Variants in ASAP1 observed in about 807,000 individuals in gnomAD.
The protein encoded by ASAP1 is arf-GAP with SH3 domain, ANK repeat and PH domain-containing protein 1.
A neutral mutation model predicts 145.2 loss-of-function variants in ASAP1; 43 were observed. The ratio of observed to expected loss-of-function variants is 0.30; its 90% CI spans 0.23 to 0.38. The LOEUF is 0.38. ASAP1 is among the 10% of genes least tolerant of loss of function. The pLI, the probability that ASAP1 is intolerant of heterozygous loss-of-function variation, is 1.00. For missense variants in ASAP1, 1,018 were observed against 1,355.3 expected (o/e 0.75, Z 3.91); for synonymous variants, 546 against 515.5 (o/e 1.06, Z -0.80).
intron 2 of ASAP1, among the ~76,000 whole-genome samples, chr8:130,372,092 T>C (rs1397191992): frequency 3.9e-5 from 6 of 152,232 alleles, no homozygotes; most frequent in Admixed American, 6.5e-5. Flanking sequence ...TGTGGCATTA[T>C]AGAATCACTG....
intron 3 of ASAP1, among the ~76,000 whole-genome samples, chr8:130,357,240 G>GCAACGCTTTCCT (rs1826373290): frequency 6.6e-6 from 1 of 151,946 alleles, no homozygotes; most frequent in South Asian, 2.1e-4. Flanking sequence ...GAAGGGTCCA[G>GCAACGCTTTCCT]GTAAGAGGAG....
intron 3 of ASAP1, among the ~76,000 whole-genome samples, chr8:130,291,486 GA>G (rs1821941846): frequency 1.3e-5 from 2 of 152,120 alleles, no homozygotes; most frequent in Admixed American, 1.3e-4. Context: ...AAGAAAAACA[GA>G]AGGTGTGTGA....
intron 9 of ASAP1, among the ~76,000 whole-genome samples, chr8:130,176,739 G>A (rs1208588032): frequency 6.6e-6 from 1 of 151,012 alleles, no homozygotes; most frequent in Admixed American, 6.6e-5. Context: ...TGTCCAGGCT[G>A]GAGTGCAATG....
intron 1 of ASAP1, among the ~76,000 whole-genome samples, chr8:130,434,840 C>A (rs1390988521): frequency 2.0e-5 from 3 of 152,130 alleles, no homozygotes; most frequent in Admixed American, 1.3e-4. Context: ...AGACAGGAAG[C>A]AGGTCAGCTC....
At chr8:130,443,255 C>T (rs1416727104) in intron 1 of ASAP1, among the ~76,000 whole-genome samples, 3 of 151,874 alleles carry the variant, frequency 2.0e-5, no homozygotes, top group Non-Finnish European at 4.4e-5. Flanking sequence ...CCCGCAGAGC[C>T]TGGCCGCGCG....
chr8:130,168,018 A>T (rs2097683503), intron 10 of ASAP1, among the ~76,000 whole-genome samples: 1 of 152,206 alleles, frequency 6.6e-6, no homozygotes, highest in African/African-American at 2.4e-5. Flanking sequence ...GCATACATCA[A>T]AGTTTACATA....
chr8:130,110,278 C>G (rs113929962), intron 24 of ASAP1, among the ~76,000 whole-genome samples: 2,910 of 152,296 alleles, frequency 0.019, 94 homozygotes, highest in African/African-American at 0.065. Flanking sequence ...TCAGGACTCT[C>G]AATGACCTAG....
chr8:130,255,333 A>G (rs1819444094), intron 3 of ASAP1, among the ~76,000 whole-genome samples: 1 of 151,936 alleles, frequency 6.6e-6, no homozygotes, highest in Non-Finnish European at 1.5e-5. Context: ...CTAAAACGCT[A>G]TTTTCTTTTT....
intron 3 of ASAP1, among the ~76,000 whole-genome samples, chr8:130,327,521 GA>G (rs1200741201): frequency 2.6e-5 from 4 of 152,192 alleles, no homozygotes; most frequent in African/African-American, 4.8e-5. Context: ...TAACATGGAA[GA>G]ATCTTCATTA....
At chr8:130,266,150 A>G (rs532242610) in intron 3 of ASAP1, among the ~76,000 whole-genome samples, 1 of 152,312 alleles carries the variant, frequency 6.6e-6, no homozygotes, top group East Asian at 1.9e-4. Flanking sequence ...TGAAAGGTGA[A>G]CTAGGGAAGA....
At position 130,126,108 on chromosome 8, in the gene ASAP1, A is replaced by C. The variant is rs1378804540; in HGVS notation, c.1382-19T>G. 1.3e-6 allele frequency: 2 copies of C among 1,594,306 alleles called. No individual in the cohort carries two copies. The highest frequency in any genetic ancestry group is 3.6e-5 in the Admixed American group (2 of 54,820). On this transcript the variant is annotated intron_variant, in intron 16 of 29. Coordinates refer to ENST00000518721, the MANE Select transcript of ASAP1 (RefSeq NM_018482.4). Reference sequence around the variant, plus strand: ...GTGGGTTCTGTGGAAAGAATGTTGAAGACAATGAAACAAAAAAGACATCTA... The same window carrying C: ...GTGGGTTCTGTGGAAAGAATGTTGACGACAATGAAACAAAAAAGACATCTA...
At chr8:130,288,616 C>A (rs184805685) in intron 3 of ASAP1, among the ~76,000 whole-genome samples, 1 of 152,244 alleles carries the variant, frequency 6.6e-6, no homozygotes, top group East Asian at 1.9e-4. Flanking sequence ...GTAGAGGACC[C>A]AGAGACAAAT....
chr8:130,112,377 A>G, intron 23 of ASAP1, 55 bp from the exon 24 acceptor site: 2 of 1,513,548 alleles, frequency 1.3e-6, no homozygotes, highest in Admixed American at 3.7e-5. Flanking sequence ...CTTCATGTGT[A>G]CAGAGGGCCT....
At chr8:130,063,531 G>A (rs1291629554) in intron 27 of ASAP1, among the ~76,000 whole-genome samples, 1 of 152,186 alleles carries the variant, frequency 6.6e-6, no homozygotes, top group Non-Finnish European at 1.5e-5. Context: ...TGGCCCAGGT[G>A]ACTCAACTCT....
intron 5 of ASAP1, among the ~76,000 whole-genome samples, chr8:130,193,526 T>C (rs1417933290): frequency 6.6e-6 from 1 of 152,130 alleles, no homozygotes; most frequent in Non-Finnish European, 1.5e-5. Flanking sequence ...TTTTTGCATT[T>C]TAAAAAAATT....
intron 3 of ASAP1, among the ~76,000 whole-genome samples, chr8:130,267,271 A>T (rs1176501356): frequency 1.3e-5 from 2 of 152,166 alleles, no homozygotes; most frequent in Non-Finnish European, 2.9e-5. Flanking sequence ...AGATCTAATG[A>T]AGTTCAAGGA....
chr8:130,350,167 G>T (rs764362960), intron 3 of ASAP1, among the ~76,000 whole-genome samples: 1 of 152,210 alleles, frequency 6.6e-6, no homozygotes, highest in Non-Finnish European at 1.5e-5. Flanking sequence ...GACTGGGCTA[G>T]CAAGATCCAG....
At chr8:130,069,855 T>C (rs1042032098) in intron 27 of ASAP1, among the ~76,000 whole-genome samples, 2 of 152,184 alleles carry the variant, frequency 1.3e-5, no homozygotes, top group Non-Finnish European at 2.9e-5. Context: ...AAATAAAGAT[T>C]GACAAAAGGT....
At chr8:130,104,674 G>T (rs910492954) in intron 24 of ASAP1, among the ~76,000 whole-genome samples, 8 of 152,186 alleles carry the variant, frequency 5.3e-5, no homozygotes, top group Admixed American at 1.3e-4. Context: ...TTAAATTTAT[G>T]TTCAAGTGCT....
Sources: gnomAD v4.1 joint callset for allele counts (sites outside exome capture counted in the v4.1 genomes callset) on GRCh38, gnomAD v4.1.1 for gene constraint, MANE v1.5 for transcripts, NCBI Gene and HGNC (gene_info 2026-07-23, HGNC 2026-07-21) for gene names.